C22orf31: variants seen among roughly 807,000 people sequenced by gnomAD.
C22orf31 encodes the protein uncharacterized protein C22orf31.
A neutral mutation model predicts 15.0 loss-of-function variants in C22orf31; 11 were observed. The observed-to-expected ratio is 0.73, with a 90% CI of 0.46 to 1.21. The LOEUF is 1.21. C22orf31 is among the 50% of genes most tolerant of loss of function. The pLI, the probability that C22orf31 is intolerant of heterozygous loss-of-function variation, is 0.00. For missense variants in C22orf31, 340 were observed against 347.2 expected (o/e 0.98, Z 0.17); for synonymous variants, 132 against 133.3 (o/e 0.99, Z 0.07).
At chr22:29,073,138 C>G in the C22orf31 span, 1 of 1,082,724 alleles carries the variant, frequency 9.2e-7, no homozygotes, top group Non-Finnish European at 1.1e-6. This position sits in a 1 kb window ranked among gnomAD's most constrained non-coding sequence, Gnocchi z 4.4. Flanking sequence ...CCCATGGCGC[C>G]GCCAGCCGCC....
chr22:29,073,264 G>A, the C22orf31 span: 1 of 991,066 alleles, frequency 1.0e-6, no homozygotes, highest in South Asian at 4.8e-5. This position sits in a 1 kb window ranked among gnomAD's most constrained non-coding sequence, Gnocchi z 4.4. Context: ...CGCCCTGAGC[G>A]GAGCCCACTC....
chr22:29,066,539 CTTTTTTTTT>C (rs134565), upstream of C22orf31, among the ~76,000 whole-genome samples: 54 of 70,220 alleles, frequency 7.7e-4, 1 homozygote, highest in South Asian at 2.1e-3. Flanking sequence ...CTTTTCTTTT[CTTTTTTTTT>C]TTTTTTTTTT....
the C22orf31 span, among the ~76,000 whole-genome samples, chr22:29,067,423 A>G: frequency 1.3e-5 from 2 of 151,640 alleles, no homozygotes; most frequent in African/African-American, 4.8e-5. Flanking sequence ...AATTATTATT[A>G]TTAATTTTCT....
chr22:29,061,945 A>AT, upstream of C22orf31: 4 of 603,402 alleles, frequency 6.6e-6, no homozygotes, highest in South Asian at 9.3e-5. Flanking sequence ...ATATGGGCAA[A>AT]TTGCTGTTTG....
intron 2 of C22orf31, chr22:29,060,033 T>C (rs1422182703): frequency 2.2e-6 from 2 of 912,138 alleles, no homozygotes; most frequent in Non-Finnish European, 2.6e-6. Flanking sequence ...TTTTTTTTTT[T>C]TTTTTTTTTT....
At chr22:29,060,963 T>C in intron 1 of C22orf31, 120 bp from the exon 2 acceptor site, 1 of 830,752 alleles carries the variant, frequency 1.2e-6, no homozygotes, top group South Asian at 1.7e-5. Flanking sequence ...TCCACCCAGT[T>C]CTTAGAAATT....
In C22orf31 at chr22:29,059,161, T is replaced by A. The variant is rs1267634536; in HGVS notation, c.454A>T (p.Lys152Ter). Residue 152 changes from lysine (K) to a stop codon, truncating the protein, a stop_gained, in exon 3 of 3, where the codon AAA (lysine) becomes TAA (stop). Coordinates refer to ENST00000216071, the MANE Select transcript of C22orf31 (RefSeq NM_015370.2). LOFTEE classifies it low-confidence loss of function (END_TRUNC). The part of the protein sequence containing the change: ...IRESKESSKE[K>*]KLTVRQDLED... ...AGATCTTGGCGGACTGTTAGTTTTT[T>A]CTCCTTTGAACTTTCTTTACTCTAG... 1.2e-6 allele frequency: 2 copies of A among 1,609,730 alleles called. No individual in the cohort carries two copies.
chr22:29,062,393 C>T (rs752557038), upstream of C22orf31, among the ~76,000 whole-genome samples: 6 of 152,070 alleles, frequency 3.9e-5, no homozygotes, highest in East Asian at 1.9e-4. Context: ...ATGTCTCTCC[C>T]GGGAAGACTA....
upstream of C22orf31, among the ~76,000 whole-genome samples, chr22:29,064,154 C>T (rs1462188612): frequency 6.6e-6 from 1 of 152,198 alleles, no homozygotes; most frequent in African/African-American, 2.4e-5. Flanking sequence ...AGGTGTGAAT[C>T]ACCACACCCA....
In C22orf31 at chr22:29,059,937, C is replaced by G; in HGVS notation, c.432+478G>C. On this transcript the variant is annotated intron_variant, in intron 2 of 2. Coordinates refer to ENST00000216071, the MANE Select transcript of C22orf31 (RefSeq NM_015370.2). Reference sequence around the variant, plus strand: ...GACCCCAAAATCTGGGGCATTCTTCCACTCTGTCATGCTACACCTCCTCCC... The same window carrying G: ...GACCCCAAAATCTGGGGCATTCTTCGACTCTGTCATGCTACACCTCCTCCC... 3.0e-6 allele frequency: 3 copies of G among 984,948 alleles called. No individual in the cohort carries two copies. The South Asian group carries it at 1.4e-4, about 46-fold the overall frequency. 61.0% of individuals were successfully genotyped at this position (984,948 alleles called of 1,614,324 possible).
the C22orf31 span, among the ~76,000 whole-genome samples, chr22:29,072,012 G>C: frequency 1.3e-5 from 2 of 152,194 alleles, no homozygotes; most frequent in African/African-American, 2.4e-5. Context: ...GTTGAAACTG[G>C]CTATGTGATA....
Position 29,060,855 on chromosome 22 carries a change from A to G in C22orf31, c.4-12T>C, listed in dbSNP as rs1056210189. ...ACATTGATTGGGTGCTAGAATTATA[A>G]GGAGGGAGAAATGAATTTTAAAAGG... On this transcript the variant is annotated splice_polypyrimidine_tract_variant and intron_variant, in intron 1 of 2. Transcript: ENST00000216071. 13 of 1,599,612 alleles carry G rather than the reference A, an allele frequency of 8.1e-6. No individual in the cohort carries two copies. The highest frequency in any genetic ancestry group is 1.1e-5 in the Non-Finnish European group (13 of 1,171,208).
chr22:29,068,852 T>C, the C22orf31 span, among the ~76,000 whole-genome samples: 4 of 147,078 alleles, frequency 2.7e-5, no homozygotes, highest in African/African-American at 5.0e-5. Flanking sequence ...GCAACCTCTG[T>C]CTCCTGGGTT....
chr22:29,072,908 C>A, the C22orf31 span, among the ~76,000 whole-genome samples: 5 of 151,074 alleles, frequency 3.3e-5, 1 homozygote, highest in South Asian at 1.0e-3. Context: ...GCGGGGCGTG[C>A]GTGCGCAGTG....
In C22orf31 at chr22:29,061,814, A is replaced by AT; in HGVS notation, c.-23dup. 1.3e-6 allele frequency: 2 copies of AT among 1,532,212 alleles called. No individual in the cohort carries two copies. The highest frequency in any genetic ancestry group is 1.8e-6 in the Non-Finnish European group (2 of 1,118,508). The allele number at this position is 1,532,212 out of a possible 1,614,324, so 94.9% of individuals were successfully genotyped here. A position where few individuals can be genotyped will look rare whatever the true frequency, so the allele number is the denominator to read the frequency against. On this transcript the variant is annotated 5_prime_UTR_variant, in exon 1 of 3. Transcript: ENST00000216071. ...CCATATTTCAGTTGCCTTAAATTTT[A>AT]TTTTCGCTAGCTTAGTAAGGGGAAG...
upstream of C22orf31, chr22:29,061,873 TCTC>T: frequency 7.5e-6 from 9 of 1,193,194 alleles, no homozygotes; most frequent in Non-Finnish European, 1.1e-5. Context: ...TTTCTCTCTC[TCTC>T]TTTTTTTTTG....
chr22:29,071,400 G>C, the C22orf31 span, among the ~76,000 whole-genome samples: 3 of 152,080 alleles, frequency 2.0e-5, no homozygotes, highest in African/African-American at 7.2e-5. Flanking sequence ...CCGTGGGTGG[G>C]GAAAGGAGTT....
chr22:29,060,351 C>T (rs879907712), intron 2 of C22orf31, 64 bp downstream of exon 2: 2 of 1,434,154 alleles, frequency 1.4e-6, no homozygotes, highest in African/African-American at 1.4e-5. Context: ...GTTAAGTGTT[C>T]TCTGGCTTTA....
the C22orf31 span, among the ~76,000 whole-genome samples, chr22:29,069,799 CTTGCACACAAAT>C: frequency 9.2e-6 from 1 of 109,264 alleles, no homozygotes; most frequent in South Asian, 2.4e-4. Flanking sequence ...CCAGGAGGAG[CTTGCACACAAAT>C]TTCTGAGTCC....
Sources: gnomAD v4.1 joint callset for allele counts (sites outside exome capture counted in the v4.1 genomes callset) on GRCh38, gnomAD v4.1.1 for gene constraint, Gnocchi (gnomAD v3.1) non-coding constraint, MANE v1.5 for transcripts, NCBI Gene and HGNC (gene_info 2026-07-23, HGNC 2026-07-21) for gene names.